Variants in HERC1 observed in about 807,000 individuals in gnomAD.
The protein encoded by HERC1 is probable E3 ubiquitin-protein ligase HERC1.
Under a neutral mutation model 554.3 loss-of-function variants are expected in HERC1, and 160 were observed. The observed-to-expected ratio is 0.29, with a 90% CI of 0.25 to 0.33. The LOEUF is 0.33. Among genes scored for constraint, HERC1 ranks in the 10% least tolerant of loss-of-function variants. The pLI is 1.00. For synonymous variants in HERC1, 2,175 were observed against 2,131.7 expected (o/e 1.02, Z -0.56); for missense variants, 4,919 against 5,918.5 (o/e 0.83, Z 5.54).
chr15:63,674,458 C>T lies in HERC1; in HGVS notation c.7730G>A (p.Arg2577Gln), dbSNP rs777138650. Reference protein sequence around the residue: ...MRHMVKRAVMRSPIKRALGLA... With the variant: ...MRHMVKRAVMQSPIKRALGLA... ...TCCCAATGCTCTCTTTATGGGTGAC[C>T]GCATGACTGCTCGCTTCACCATGTG... The change falls in exon 38 of 78, where the codon CGG (arginine) becomes CAG (glutamine). Residue 2577 changes from arginine (R) to glutamine (Q), a missense_variant. By Grantham distance (43) the Arg-to-Gln change is conservative. Transcript: ENST00000443617. 1.4e-5 allele frequency: 23 copies of T among 1,613,796 alleles called. No homozygotes were observed. The highest frequency in any genetic ancestry group is 4.4e-5 in the South Asian group (4 of 91,068).
At chr15:63,800,231 T>A (rs2076936342) in intron 1 of HERC1, among the ~76,000 whole-genome samples, 1 of 152,172 alleles carries the variant, frequency 6.6e-6, no homozygotes, top group South Asian at 2.1e-4. Flanking sequence ...GTTAATGAAG[T>A]CTGTTTCAAA....
At position 63,703,493 on chromosome 15, in the gene HERC1, T is replaced by C. The variant is rs150032998; in HGVS notation, c.4636+3287A>G. Among the ~76,000 whole-genome samples, 3 of 152,342 alleles carry C rather than the reference T, an allele frequency of 2.0e-5. No individual in the cohort carries two copies. In the South Asian group the frequency reaches 6.2e-4, roughly 32 times the overall value. On this transcript the variant is annotated intron_variant, in intron 25 of 77. Coordinates refer to ENST00000443617, the MANE Select transcript of HERC1 (RefSeq NM_003922.4). ...CTCTCTCCTATTCCTCTCATCAGGC[T>C]TTTAGTAATTCAAGACCACTGAGAC... is the stretch of plus-strand genomic sequence containing the variant.
chr15:63,781,721 A>T (rs2076293821), intron 1 of HERC1, among the ~76,000 whole-genome samples: 1 of 152,226 alleles, frequency 6.6e-6, no homozygotes. Context: ...CAAAAGCCAG[A>T]AATGATTAAG....
intron 2 of HERC1, among the ~76,000 whole-genome samples, chr15:63,767,510 AC>A (rs1272287420): frequency 5.3e-5 from 8 of 152,004 alleles, no homozygotes; most frequent in Non-Finnish European, 1.2e-4. Flanking sequence ...GACCAGCCTG[AC>A]CATGCTGAAA....
At chr15:63,817,084 G>A (rs910658041) in intron 1 of HERC1, among the ~76,000 whole-genome samples, 10 of 152,152 alleles carry the variant, frequency 6.6e-5, no homozygotes, top group East Asian at 3.9e-4. Context: ...AAACTTATCA[G>A]GGCAAACAAC....
chr15:63,826,356 G>A (rs995482831), intron 1 of HERC1, among the ~76,000 whole-genome samples: 2 of 152,086 alleles, frequency 1.3e-5, no homozygotes, highest in Admixed American at 1.3e-4. Flanking sequence ...AACTATGACA[G>A]GTTCCAAGAT....
rs2068834995 is a variant in HERC1, at chr15:63,637,487, T to C, written c.12232+18A>G. 6.4e-7 allele frequency: 1 copy of C among 1,561,196 alleles called. No individual in the cohort carries two copies. The highest frequency in any genetic ancestry group is 8.7e-7 in the Non-Finnish European group (1 of 1,150,856). ...AGGCCTTAGGTTCTAACCATCTTTT[T>C]ATTAAGGACAATTTTACCTTGTAAG... On this transcript the variant is annotated intron_variant, in intron 64 of 77. Transcript: ENST00000443617.
At chr15:63,670,233 G>A (rs752383115) in intron 39 of HERC1, among the ~76,000 whole-genome samples, 4 of 152,140 alleles carry the variant, frequency 2.6e-5, no homozygotes, top group African/African-American at 9.7e-5. Flanking sequence ...ATATGTCAGC[G>A]GCACAGTCGG....
At chr15:63,704,089 G>C (rs982035138) in intron 25 of HERC1, among the ~76,000 whole-genome samples, 3 of 151,744 alleles carry the variant, frequency 2.0e-5, no homozygotes, top group African/African-American at 7.3e-5. Context: ...TAAGGCATCT[G>C]GTCTATACTG....
chr15:63,793,062 C>T (rs2076699777), intron 1 of HERC1, among the ~76,000 whole-genome samples: 1 of 152,186 alleles, frequency 6.6e-6, no homozygotes, highest in Admixed American at 6.5e-5. Flanking sequence ...GAGGATAGGG[C>T]AGGATATGGG....
chr15:63,698,470 C>T (rs1056455756), intron 26 of HERC1, among the ~76,000 whole-genome samples: 4 of 150,636 alleles, frequency 2.7e-5, no homozygotes, highest in Admixed American at 2.6e-4. Flanking sequence ...CAACTAGTCT[C>T]ACCCTAGTTT....
At chr15:63,819,219 T>C (rs2077600775) in intron 1 of HERC1, among the ~76,000 whole-genome samples, 3 of 152,108 alleles carry the variant, frequency 2.0e-5, no homozygotes, top group Admixed American at 2.0e-4. Flanking sequence ...CATTTCTGGT[T>C]GCATCATTAA....
intron 1 of HERC1, among the ~76,000 whole-genome samples, chr15:63,810,615 C>T (rs2145252014): frequency 6.6e-6 from 1 of 152,058 alleles, no homozygotes; most frequent in East Asian, 1.9e-4. Context: ...TTAACATTTG[C>T]ATATATTGCT....
intron 76 of HERC1, among the ~76,000 whole-genome samples, chr15:63,614,055 G>C (rs2067712451): frequency 6.6e-6 from 1 of 151,892 alleles, no homozygotes; most frequent in Non-Finnish European, 1.5e-5. Flanking sequence ...GGGGACAACT[G>C]AGGACAGTTA....
chr15:63,818,916 T>G (rs539726510), intron 1 of HERC1, among the ~76,000 whole-genome samples: 3 of 152,350 alleles, frequency 2.0e-5, no homozygotes, highest in African/African-American at 7.2e-5. Flanking sequence ...AATATTGGTT[T>G]AAAAGATATT....
intron 8 of HERC1, among the ~76,000 whole-genome samples, chr15:63,750,164 A>C (rs907711067): frequency 6.6e-6 from 1 of 152,214 alleles, no homozygotes; most frequent in African/African-American, 2.4e-5. Context: ...TTCCGGTGAG[A>C]TTTAAGATTA....
intron 74 of HERC1, among the ~76,000 whole-genome samples, chr15:63,620,024 GC>G: frequency 6.6e-6 from 1 of 152,168 alleles, no homozygotes; most frequent in Non-Finnish European, 1.5e-5. Context: ...GTTATTTATT[GC>G]CTTCTGCTAG....
rs34069674 is a variant in HERC1 at position 63,718,083 on chromosome 15, GACACACAC to G, written c.3978+483_3978+490del. On this transcript the variant is annotated intron_variant, in intron 21 of 77. Transcript: ENST00000443617. The surrounding 1 kb of genome is among the most constrained non-coding windows in gnomAD (Gnocchi z 4.2). Reference sequence around the variant, plus strand: ...AGTATTTTTAAGGCAGCTATTATGTGACACACACACACACACACACACACACACACACA... The same window carrying G: ...AGTATTTTTAAGGCAGCTATTATGTGACACACACACACACACACACACACA... Among the ~76,000 whole-genome samples, 27 of 75,656 alleles carry G rather than the reference GACACACAC, an allele frequency of 3.6e-4. No individual in the cohort carries two copies. Among genetic ancestry groups the G allele is most frequent in the East Asian group, 8.4e-4 (4 of 4,756 alleles). 49.6% of individuals were successfully genotyped at this position (75,656 alleles called of 152,430 possible).
intron 1 of HERC1, among the ~76,000 whole-genome samples, chr15:63,789,862 A>G (rs2076584857): frequency 6.8e-6 from 1 of 147,718 alleles, no homozygotes; most frequent in South Asian, 2.1e-4. Flanking sequence ...AGACATTTTT[A>G]TTATTTACAT....
Sources: gnomAD v4.1 joint callset for allele counts (sites outside exome capture counted in the v4.1 genomes callset) on GRCh38, gnomAD v4.1.1 for gene constraint, Gnocchi (gnomAD v3.1) non-coding constraint, MANE v1.5 for transcripts, NCBI Gene and HGNC (gene_info 2026-07-23, HGNC 2026-07-21) for gene names.